The following VIT variants were observed in gnomAD, a reference collection of about 807,000 sequenced individuals.
The protein encoded by VIT is vitrin.
In VIT, 99 loss-of-function variants were observed where a neutral mutation model predicts 78.0. The ratio of observed to expected loss-of-function variants is 1.27; its 90% CI spans 1.08 to 1.50. VIT has a LOEUF of 1.50. VIT is among the 40% of genes most tolerant of loss of function. The pLI is 0.00. For missense variants in VIT, 1,126 were observed against 875.3 expected (o/e 1.29, Z -3.61); for synonymous variants, 374 against 334.3 (o/e 1.12, Z -1.29).
intron 9 of VIT, among the ~76,000 whole-genome samples, chr2:36,778,513 G>A (rs1016105148): frequency 6.6e-6 from 1 of 152,188 alleles, no homozygotes; most frequent in Non-Finnish European, 1.5e-5. Context: ...CCTAACCATG[G>A]AGTTAATGTT....
Position 36,698,491 on chromosome 2 carries a change from T to C in VIT, c.-19+1518T>C, listed in dbSNP as rs567114054. Reference sequence around the variant, plus strand: ...TTATAGTAACAGCTCTGCCACTACCTATTACCTTGGAAAACATATATAACA... The same window carrying C: ...TTATAGTAACAGCTCTGCCACTACCCATTACCTTGGAAAACATATATAACA... On this transcript the variant is annotated intron_variant, in intron 1 of 15. Transcript: ENST00000379242. 6.2e-4 allele frequency among the ~76,000 whole-genome samples: 94 copies of C among 152,362 alleles called. 1 individual carries two copies. Among genetic ancestry groups the C allele is most frequent in the African/African-American group, 2.2e-3 (90 of 41,586 alleles).
intron 3 of VIT, among the ~76,000 whole-genome samples, chr2:36,739,447 T>G (rs1318016764): frequency 2.0e-5 from 3 of 152,160 alleles, no homozygotes; most frequent in Non-Finnish European, 4.4e-5. Flanking sequence ...CCTCTCAGAT[T>G]CCAATTTTGT....
At chr2:36,800,766 G>A (rs1490533888) in intron 12 of VIT, among the ~76,000 whole-genome samples, 1 of 152,192 alleles carries the variant, frequency 6.6e-6, no homozygotes, top group African/African-American at 2.4e-5. Flanking sequence ...CAAAATAGAT[G>A]TTGACCTTCT....
chr2:36,733,192 G>T (rs141864261), intron 3 of VIT, among the ~76,000 whole-genome samples: 360 of 152,266 alleles, frequency 2.4e-3, no homozygotes, highest in African/African-American at 6.8e-3. Flanking sequence ...CAGGACGTGG[G>T]GTAGCTCACA....
intron 11 of VIT, among the ~76,000 whole-genome samples, chr2:36,783,759 T>A (rs955432226): frequency 6.6e-6 from 1 of 151,980 alleles, no homozygotes; most frequent in South Asian, 2.1e-4. Context: ...GAAATGAAGA[T>A]AAATGGGCAT....
In VIT at chr2:36,814,616, T is replaced by C. The variant is rs1015536651; in HGVS notation, c.*255T>C. 6.5e-6 allele frequency: 3 copies of C among 458,040 alleles called. No individual in the cohort carries two copies. Among genetic ancestry groups the C allele is most frequent in the Non-Finnish European group, 1.1e-5 (3 of 262,066 alleles). The allele number at this position is 458,040 out of a possible 1,614,324, so 28.4% of individuals were successfully genotyped here. Reference sequence around the variant, plus strand: ...TGCTGGAGATTTTACATTTTGACAATTGTTTTCAAAATAAATGTTCGGAAT... The same window carrying C: ...TGCTGGAGATTTTACATTTTGACAACTGTTTTCAAAATAAATGTTCGGAAT... On this transcript the variant is annotated 3_prime_UTR_variant, in exon 16 of 16. Coordinates refer to ENST00000379242, the MANE Select transcript of VIT (RefSeq NM_053276.4).
chr2:36,786,627 AAGG>A (rs1441921283), intron 11 of VIT, among the ~76,000 whole-genome samples: 1 of 152,238 alleles, frequency 6.6e-6, no homozygotes, highest in African/African-American at 2.4e-5. Context: ...CAGGGAAATG[AAGG>A]AGAAGATTGA....
At chr2:36,781,924 G>A (rs886557448) in intron 10 of VIT, among the ~76,000 whole-genome samples, 153 bp downstream of exon 10, 9 of 152,066 alleles carry the variant, frequency 5.9e-5, no homozygotes, top group Admixed American at 5.9e-4. Context: ...GTCCTACAAA[G>A]GGCACATTGA....
At chr2:36,797,468 A>C (rs940825740) in intron 12 of VIT, among the ~76,000 whole-genome samples, 1 of 152,286 alleles carries the variant, frequency 6.6e-6, no homozygotes, top group East Asian at 1.9e-4. Flanking sequence ...GTATTTGATG[A>C]GGAGAGTGTC....
chr2:36,709,932 G>A (rs1381673772), intron 1 of VIT, among the ~76,000 whole-genome samples: 1 of 152,198 alleles, frequency 6.6e-6, no homozygotes, highest in Non-Finnish European at 1.5e-5. Context: ...ACAGGTGAAT[G>A]CACAATCAGA....
rs184285708 is a variant in VIT at position 36,797,879 on chromosome 2, G to A, written c.1059-3422G>A. On this transcript the variant is annotated intron_variant, in intron 12 of 15. Coordinates refer to ENST00000379242, the MANE Select transcript of VIT (RefSeq NM_053276.4). Reference sequence around the variant, plus strand: ...CCTGTAGGCGCCACATATTATGCACGGTGTTGGTTAGAGAAAGCTGAGTCA... The same window carrying A: ...CCTGTAGGCGCCACATATTATGCACAGTGTTGGTTAGAGAAAGCTGAGTCA... Among the ~76,000 whole-genome samples the A allele has an allele frequency of 1.2e-3, 180 of 152,310 alleles. 3 individuals carry two copies. Among genetic ancestry groups the A allele is most frequent in the Admixed American group, 0.011 (175 of 15,300 alleles).
intron 12 of VIT, among the ~76,000 whole-genome samples, chr2:36,800,441 A>G (rs1666238590): frequency 1.3e-5 from 2 of 152,238 alleles, no homozygotes; most frequent in Non-Finnish European, 2.9e-5. Context: ...AAGAATTTCA[A>G]GACGGCAGCA....
At chr2:36,799,843 T>C (rs1666186651) in intron 12 of VIT, among the ~76,000 whole-genome samples, 1 of 148,752 alleles carries the variant, frequency 6.7e-6, no homozygotes, top group African/African-American at 2.5e-5. Flanking sequence ...AGGTGAGGAG[T>C]TGGAGACCAG....
At chr2:36,723,975 G>A (rs960966789) in intron 2 of VIT, among the ~76,000 whole-genome samples, 1 of 141,972 alleles carries the variant, frequency 7.0e-6, no homozygotes, top group Non-Finnish European at 1.6e-5. Flanking sequence ...AGAGAGGGGA[G>A]GGGAGGGGGG....
chr2:36,729,166 C>A (rs1168290195), intron 2 of VIT, among the ~76,000 whole-genome samples: 2 of 152,168 alleles, frequency 1.3e-5, no homozygotes, highest in East Asian at 3.9e-4. Flanking sequence ...GGCAATAGAC[C>A]ATATCATACA....
At chr2:36,699,661 GATAGATA>G (rs1664921849) in intron 1 of VIT, among the ~76,000 whole-genome samples, 4 of 151,934 alleles carry the variant, frequency 2.6e-5, no homozygotes, top group African/African-American at 4.8e-5. Flanking sequence ...TAGATAGATA[GATAGATA>G]TGCACACACA....
chr2:36,723,580 T>C (rs1199384131), intron 2 of VIT, among the ~76,000 whole-genome samples: 1 of 152,242 alleles, frequency 6.6e-6, no homozygotes, highest in African/African-American at 2.4e-5. Flanking sequence ...TTCAAGCTTA[T>C]TCATTTATAT....
At chr2:36,799,598 G>A (rs1352261327) in intron 12 of VIT, among the ~76,000 whole-genome samples, 1 of 151,948 alleles carries the variant, frequency 6.6e-6, no homozygotes. Flanking sequence ...TGCACCTGTG[G>A]TCTCACCTAC....
At chr2:36,807,025 A>G (rs1666780342) in intron 14 of VIT, among the ~76,000 whole-genome samples, 1 of 151,844 alleles carries the variant, frequency 6.6e-6, no homozygotes, top group East Asian at 1.9e-4. Context: ...ATGACCACAC[A>G]CCCATCCCAG....
Sources: gnomAD v4.1 joint callset for allele counts (sites outside exome capture counted in the v4.1 genomes callset) on GRCh38, gnomAD v4.1.1 for gene constraint, MANE v1.5 for transcripts, NCBI Gene and HGNC (gene_info 2026-07-23, HGNC 2026-07-21) for gene names.